UBL3: variants seen among roughly 807,000 people sequenced by gnomAD.
The protein encoded by UBL3 is ubiquitin like 3.
UBL3 carries 6 observed loss-of-function variants against 18.4 expected under a neutral mutation model. The ratio of observed to expected loss-of-function variants is 0.33; its 90% confidence interval spans 0.18 to 0.64. UBL3 has a LOEUF of 0.64. Ranked by LOEUF, UBL3 falls within the 30% of genes least tolerant of loss-of-function variation. The pLI, the probability that UBL3 is intolerant of heterozygous loss-of-function variation, is 0.76. For missense variants in UBL3, 109 were observed against 142.9 expected (o/e 0.76, Z 1.21); for synonymous variants, 49 against 46.6 (o/e 1.05, Z -0.21).
intron 1 of UBL3, among the ~76,000 whole-genome samples, chr13:29,797,448 C>T (rs557219974): frequency 3.5e-4 from 53 of 152,258 alleles, no homozygotes; most frequent in African/African-American, 1.0e-3. Flanking sequence ...TTTAAGGTCT[C>T]GAAATACAAT....
intron 1 of UBL3, among the ~76,000 whole-genome samples, chr13:29,834,085 G>T (rs769133491): frequency 6.6e-6 from 1 of 152,018 alleles, no homozygotes; most frequent in East Asian, 1.9e-4. Context: ...TACTCAGGAG[G>T]CTGAGGCAGG....
At position 29,764,917 on chromosome 13, in the gene UBL3, T is replaced by C. The variant is rs1876626284; in HGVS notation, c.*2338A>G. 6.6e-6 allele frequency: 1 copy of C among 152,186 alleles called. No homozygotes were observed. The highest frequency in any genetic ancestry group is 2.1e-4 in the South Asian group (1 of 4,822). The allele number at this position is 152,186 out of a possible 1,614,324, so 9.4% of individuals were successfully genotyped here. The stretch of plus-strand genomic sequence containing the variant: ...ATTTTTAAAGGGACAGCTGAGTATT[T>C]CACGTATATACTATTAAGGCATCTA... On this transcript the variant is annotated 3_prime_UTR_variant, in exon 5 of 5. Transcript: ENST00000380680.
chr13:29,780,390 A>ATGTGTG (rs1555232308), intron 1 of UBL3, among the ~76,000 whole-genome samples: 89 of 92,108 alleles, frequency 9.7e-4, no homozygotes, highest in African/African-American at 1.6e-3. Flanking sequence ...ATATATATAT[A>ATGTGTG]TGTGTGTGTG....
chr13:29,849,946 A>G lies in UBL3; in HGVS notation c.-408T>C. On this transcript the variant is annotated 5_prime_UTR_variant, in exon 1 of 5. Coordinates refer to ENST00000380680, the MANE Select transcript of UBL3 (RefSeq NM_007106.4). ...ATGATTCACACTTGCTCCCGAGTCA[A>G]GTCCTCATTAAGCAGGAGAAAAATG... The G allele has an allele frequency of 3.2e-6, 1 of 317,378 alleles. No individual in the cohort carries two copies. The highest frequency in any genetic ancestry group is 6.1e-6 in the Non-Finnish European group (1 of 164,838). 19.7% of individuals were successfully genotyped at this position (317,378 alleles called of 1,614,324 possible).
At chr13:29,847,365 T>C (rs1022893707) in intron 1 of UBL3, among the ~76,000 whole-genome samples, 1 of 152,210 alleles carries the variant, frequency 6.6e-6, no homozygotes, top group Admixed American at 6.5e-5. Flanking sequence ...TGCCCTTGCA[T>C]ATCACCTTTA....
intron 1 of UBL3, among the ~76,000 whole-genome samples, chr13:29,841,036 A>C (rs570733571): frequency 6.6e-6 from 1 of 152,288 alleles, no homozygotes; most frequent in African/African-American, 2.4e-5. Flanking sequence ...AAAGAAAAAC[A>C]CTAATTTTAT....
At chr13:29,831,279 C>T (rs1878763103) in intron 1 of UBL3, among the ~76,000 whole-genome samples, 1 of 152,154 alleles carries the variant, frequency 6.6e-6, no homozygotes, top group Non-Finnish European at 1.5e-5. Context: ...GATTCCTATA[C>T]TACTTGCTCT....
rs1279948891 is a variant in UBL3, at chr13:29,824,374, T to C, written c.27+25138A>G. On this transcript the variant is annotated intron_variant, in intron 1 of 4. Coordinates refer to ENST00000380680, the MANE Select transcript of UBL3 (RefSeq NM_007106.4). ...TCCACATCCTCTCCAGCACCTGTTGTTTCCTGGCTTTTTAATGATCACCAT... is the reference window on the plus strand; with the variant it reads ...TCCACATCCTCTCCAGCACCTGTTGCTTCCTGGCTTTTTAATGATCACCAT... Among the ~76,000 whole-genome samples, 3 of 152,290 alleles carry C rather than the reference T, an allele frequency of 2.0e-5. No homozygotes were observed. The East Asian group carries it at 5.8e-4, about 29-fold the overall frequency.
At chr13:29,769,885 C>G (rs1055466971) in intron 3 of UBL3, among the ~76,000 whole-genome samples, 1 of 152,070 alleles carries the variant, frequency 6.6e-6, no homozygotes, top group African/African-American at 2.4e-5. Context: ...ACTTTGTCTG[C>G]ATAATGGCTG....
chr13:29,809,756 G>A (rs547761175), intron 1 of UBL3, among the ~76,000 whole-genome samples: 1 of 152,080 alleles, frequency 6.6e-6, no homozygotes, highest in Non-Finnish European at 1.5e-5. Flanking sequence ...TCAGGACCCT[G>A]CCTTCTGACC....
At chr13:29,836,480 T>C (rs1878966422) in intron 1 of UBL3, among the ~76,000 whole-genome samples, 2 of 151,944 alleles carry the variant, frequency 1.3e-5, no homozygotes, top group South Asian at 4.1e-4. Flanking sequence ...ATAAAAGTGA[T>C]ATAAAATGCC....
intron 1 of UBL3, among the ~76,000 whole-genome samples, chr13:29,791,678 A>T (rs1424436287): frequency 1.3e-5 from 2 of 152,154 alleles, no homozygotes; most frequent in Non-Finnish European, 2.9e-5. Flanking sequence ...GTTTCCATCC[A>T]ATCACTGGCA....
At chr13:29,833,407 T>A (rs1305310020) in intron 1 of UBL3, among the ~76,000 whole-genome samples, 1 of 150,708 alleles carries the variant, frequency 6.6e-6, no homozygotes, top group Admixed American at 6.6e-5. Flanking sequence ...GCTGCCCAAA[T>A]TAGTGAGGAA....
At chr13:29,795,755 GAAAAA>G (rs57782695) in intron 1 of UBL3, among the ~76,000 whole-genome samples, 2 of 66,192 alleles carry the variant, frequency 3.0e-5, no homozygotes, top group African/African-American at 5.9e-5. Flanking sequence ...CCTCATCTCA[GAAAAA>G]AAAAAAAAAA....
At chr13:29,847,173 TTAAG>T (rs1420591370) in intron 1 of UBL3, among the ~76,000 whole-genome samples, 1 of 152,132 alleles carries the variant, frequency 6.6e-6, no homozygotes, top group Non-Finnish European at 1.5e-5. Context: ...AAATGCAAAG[TTAAG>T]TAATAAACGA....
intron 1 of UBL3, among the ~76,000 whole-genome samples, chr13:29,842,094 C>A (rs566646628): frequency 1.9e-4 from 29 of 151,342 alleles, no homozygotes; most frequent in African/African-American, 6.8e-4. Context: ...CTGCTTCCAG[C>A]ACAGCCCAAA....
intron 1 of UBL3, among the ~76,000 whole-genome samples, chr13:29,845,444 T>A (rs1371023176): frequency 6.6e-6 from 1 of 152,002 alleles, no homozygotes; most frequent in African/African-American, 2.4e-5. Flanking sequence ...AAAAAGGAGC[T>A]GTAACTAAAG....
chr13:29,782,870 A>G (rs1877214173), intron 1 of UBL3, among the ~76,000 whole-genome samples: 1 of 152,236 alleles, frequency 6.6e-6, no homozygotes, highest in South Asian at 2.1e-4. Flanking sequence ...GAAAAGAGCA[A>G]CAATAAACCC....
At chr13:29,821,324 C>A (rs967370490) in intron 1 of UBL3, among the ~76,000 whole-genome samples, 3 of 152,082 alleles carry the variant, frequency 2.0e-5, no homozygotes, top group Non-Finnish European at 4.4e-5. Flanking sequence ...AAAGAAAATA[C>A]CCTTCTTGTA....
Sources: allele counts gnomAD v4.1 joint callset (sites outside exome capture counted in the v4.1 genomes callset), GRCh38; gene constraint gnomAD v4.1.1; transcripts MANE v1.5; gene names NCBI Gene and HGNC (gene_info 2026-07-23, HGNC 2026-07-21).